The following HOMER1 variants were observed in gnomAD, a reference collection of about 807,000 sequenced individuals.
HOMER1 encodes the protein homer protein homolog 1.
In HOMER1, 3 loss-of-function variants were observed where a neutral mutation model predicts 48.9. The observed-to-expected ratio is 0.06, with a 90% CI of 0.03 to 0.16. The LOEUF is 0.16. HOMER1 is among the 10% of genes least tolerant of loss of function. The pLI, the probability that HOMER1 is intolerant of heterozygous loss-of-function variation, is 1.00. For missense variants in HOMER1, 247 were observed against 411.4 expected, an observed-to-expected ratio of 0.60 and a Z score of 3.46; for synonymous variants, 134 against 146.4, an observed-to-expected ratio of 0.92 and a Z score of 0.61.
At chr5:79,410,607 A>T (rs1749792131) in intron 5 of HOMER1, among the ~76,000 whole-genome samples, 1 of 152,048 alleles carries the variant, frequency 6.6e-6, no homozygotes, top group Non-Finnish European at 1.5e-5. Context: ...CATCAAGTAT[A>T]ATAAATGCTC....
chr5:79,461,852 T>C (rs2112309920), intron 1 of HOMER1, among the ~76,000 whole-genome samples: 1 of 152,290 alleles, frequency 6.6e-6, no homozygotes, highest in African/African-American at 2.4e-5. Flanking sequence ...GTAACTCTTC[T>C]AAGAAACTAA....
intron 5 of HOMER1, among the ~76,000 whole-genome samples, chr5:79,405,135 T>G (rs916276060): frequency 6.6e-6 from 1 of 152,084 alleles, no homozygotes; most frequent in Non-Finnish European, 1.5e-5. Flanking sequence ...AAAGAGGTAA[T>G]TAAGGTTTAA....
At chr5:79,430,928 AT>A (rs1750405186) in intron 5 of HOMER1, among the ~76,000 whole-genome samples, 1 of 151,982 alleles carries the variant, frequency 6.6e-6, no homozygotes, top group Non-Finnish European at 1.5e-5. Flanking sequence ...TCTCAAAAAA[AT>A]AAAAATAAAA....
chr5:79,378,963 T>C (rs1426387295), intron 8 of HOMER1, among the ~76,000 whole-genome samples: 1 of 149,320 alleles, frequency 6.7e-6, no homozygotes, highest in Non-Finnish European at 1.5e-5. Flanking sequence ...GGTGCTAGTC[T>C]ATTTTTAGGC....
At chr5:79,457,103 T>C (rs1751195863) in intron 1 of HOMER1, 85 bp from the exon 2 acceptor site, 1 of 1,275,790 alleles carries the variant, frequency 7.8e-7, no homozygotes, top group Admixed American at 1.9e-5. Context: ...GCAAGGATGA[T>C]TCTGCTTAAT....
At chr5:79,489,530 C>T (rs1456155008) in intron 1 of HOMER1, among the ~76,000 whole-genome samples, 2 of 151,924 alleles carry the variant, frequency 1.3e-5, no homozygotes, top group African/African-American at 4.8e-5. Context: ...GTACTCCAGC[C>T]TGGGCGACAG....
intron 1 of HOMER1, among the ~76,000 whole-genome samples, chr5:79,473,893 C>T (rs1047511207): frequency 1.3e-5 from 2 of 152,056 alleles, no homozygotes; most frequent in Non-Finnish European, 2.9e-5. Flanking sequence ...CTAAGTTACA[C>T]CATAACATTA....
chr5:79,503,906 T>C (rs1752677127), intron 1 of HOMER1, among the ~76,000 whole-genome samples: 1 of 152,178 alleles, frequency 6.6e-6, no homozygotes, highest in East Asian at 1.9e-4. Flanking sequence ...GAAGAAACTC[T>C]GCATTTAAGT....
At chr5:79,417,191 G>C (rs1295052772) in intron 5 of HOMER1, among the ~76,000 whole-genome samples, 1 of 151,074 alleles carries the variant, frequency 6.6e-6, no homozygotes, top group Non-Finnish European at 1.5e-5. Flanking sequence ...TGCCCAGGCT[G>C]GAGTGCAGTG....
intron 1 of HOMER1, among the ~76,000 whole-genome samples, chr5:79,462,692 A>T (rs964073120): frequency 6.6e-6 from 1 of 152,200 alleles, no homozygotes; most frequent in African/African-American, 2.4e-5. Flanking sequence ...TTTGGTCTAG[A>T]AAAAAAGCAG....
chr5:79,480,449 C>A (rs1166370075), intron 1 of HOMER1, among the ~76,000 whole-genome samples: 2 of 152,122 alleles, frequency 1.3e-5, no homozygotes, highest in Non-Finnish European at 2.9e-5. Context: ...AAATCCAAGA[C>A]TAACTCCAAA....
At chr5:79,510,935 G>C in intron 1 of HOMER1, 1 of 559,190 alleles carries the variant, frequency 1.8e-6, no homozygotes, top group Non-Finnish European at 3.2e-6. Flanking sequence ...GGACTGGTGC[G>C]ACCCCCCGCC....
intron 1 of HOMER1, among the ~76,000 whole-genome samples, chr5:79,503,202 T>C (rs1561390460): frequency 1.3e-5 from 2 of 152,136 alleles, no homozygotes; most frequent in South Asian, 2.1e-4. Flanking sequence ...ACTGTACTCA[T>C]ACAATTAAGT....
At chr5:79,455,883 G>A (rs747774726) in intron 2 of HOMER1, among the ~76,000 whole-genome samples, 6 of 152,078 alleles carry the variant, frequency 3.9e-5, no homozygotes, top group Non-Finnish European at 7.4e-5. Context: ...CCGTCCCAGC[G>A]CGGTAGCTCA....
At chr5:79,431,436 T>C (rs773961416) in intron 5 of HOMER1, among the ~76,000 whole-genome samples, 2 of 152,116 alleles carry the variant, frequency 1.3e-5, no homozygotes, top group Admixed American at 6.5e-5. Context: ...AGAAAGTTGA[T>C]TAGTGGTTGC....
At chr5:79,424,379 G>C (rs772079817) in intron 5 of HOMER1, among the ~76,000 whole-genome samples, 7 of 151,674 alleles carry the variant, frequency 4.6e-5, no homozygotes. Flanking sequence ...AAAGCTCTTG[G>C]TTAAAAAAAA....
At chr5:79,482,606 C>T (rs1580014636) in intron 1 of HOMER1, among the ~76,000 whole-genome samples, 1 of 151,336 alleles carries the variant, frequency 6.6e-6, no homozygotes. Flanking sequence ...CAGAAAAAAA[C>T]CCTGAAAAAA....
chr5:79,435,591 G>A (rs1750552705), intron 5 of HOMER1, among the ~76,000 whole-genome samples: 1 of 152,358 alleles, frequency 6.6e-6, no homozygotes, highest in African/African-American at 2.4e-5. Flanking sequence ...TAGCACTTTG[G>A]GAGGCTGAGG....
intron 1 of HOMER1, among the ~76,000 whole-genome samples, chr5:79,492,553 C>T (rs528419347): frequency 6.6e-6 from 1 of 151,804 alleles, no homozygotes; most frequent in Non-Finnish European, 1.5e-5. Context: ...TTCACACGAG[C>T]GCAAGTGCTT....
Sources: gnomAD v4.1 joint callset for allele counts (sites outside exome capture counted in the v4.1 genomes callset) on GRCh38, gnomAD v4.1.1 for gene constraint, MANE v1.5 for transcripts, NCBI Gene and HGNC (gene_info 2026-07-23, HGNC 2026-07-21) for gene names.